NAALADL2: variants seen among roughly 807,000 people sequenced by gnomAD.
NAALADL2 encodes N-acetylated alpha-linked acidic dipeptidase like 2.
A neutral mutation model predicts 87.2 loss-of-function variants in NAALADL2; 76 were observed. The observed-to-expected ratio is 0.87, with a 90% CI of 0.72 to 1.05. The LOEUF is 1.05. Ranked by LOEUF, NAALADL2 falls within the 50% of genes least tolerant of loss-of-function variation. NAALADL2 has a pLI of 0.00. For synonymous variants in NAALADL2, 354 were observed against 331.0 expected (o/e 1.07, Z -0.75); for missense variants, 1,089 against 945.8 (o/e 1.15, Z -1.99).
intron 3 of NAALADL2, among the ~76,000 whole-genome samples, chr3:174,814,202 G>A (rs1050367604): frequency 8.6e-5 from 13 of 151,880 alleles, no homozygotes; most frequent in Non-Finnish European, 1.5e-4. Flanking sequence ...TCCACCCCCC[G>A]GGTTCACACC....
chr3:174,762,829 A>C (rs944837445), intron 3 of NAALADL2, among the ~76,000 whole-genome samples: 2 of 152,220 alleles, frequency 1.3e-5, no homozygotes, highest in Admixed American at 1.3e-4. Context: ...ATAATAAAAA[A>C]AAATCTTAAT....
At chr3:174,893,492 C>A (rs1731117785) in intron 1 of NAALADL2, among the ~76,000 whole-genome samples, 1 of 152,058 alleles carries the variant, frequency 6.6e-6, no homozygotes, top group Non-Finnish European at 1.5e-5. Flanking sequence ...GCTACAACAA[C>A]TTTTCAAGAC....
intron 1 of NAALADL2, among the ~76,000 whole-genome samples, chr3:174,943,891 T>A (rs921509269): frequency 4.6e-5 from 7 of 152,140 alleles, no homozygotes; most frequent in Admixed American, 3.9e-4. Flanking sequence ...GCAGAGAGAC[T>A]TTCAGTTGCC....
At chr3:174,580,662 C>A (rs992754081) in intron 2 of NAALADL2, among the ~76,000 whole-genome samples, 3 of 152,000 alleles carry the variant, frequency 2.0e-5, no homozygotes, top group Non-Finnish European at 2.9e-5. Context: ...CTCTCTCTCT[C>A]TATGTAATAT....
At chr3:174,471,414 C>T (rs187300650) in intron 1 of NAALADL2, among the ~76,000 whole-genome samples, 4 of 152,012 alleles carry the variant, frequency 2.6e-5, no homozygotes, top group Non-Finnish European at 5.9e-5. Flanking sequence ...AGAATCCTCA[C>T]GCATGGTACT....
intron 3 of NAALADL2, among the ~76,000 whole-genome samples, chr3:174,809,188 G>C (rs1490024263): frequency 6.6e-6 from 1 of 152,048 alleles, no homozygotes; most frequent in Admixed American, 6.6e-5. Flanking sequence ...AACCAAAATA[G>C]GCAACATAAT....
chr3:174,597,470 G>A (rs1258556469), intron 2 of NAALADL2, among the ~76,000 whole-genome samples: 5 of 152,158 alleles, frequency 3.3e-5, no homozygotes, highest in African/African-American at 7.2e-5. Flanking sequence ...GTTCCTAGAC[G>A]TCAGCAAAGG....
At chr3:175,692,205 A>G (rs1408583342) in intron 11 of NAALADL2, among the ~76,000 whole-genome samples, 1 of 150,696 alleles carries the variant, frequency 6.6e-6, no homozygotes, top group Admixed American at 6.6e-5. Flanking sequence ...TCTTGTTTTC[A>G]CTTTTTTTTT....
intron 2 of NAALADL2, among the ~76,000 whole-genome samples, chr3:174,644,695 A>G (rs1264829642): frequency 6.6e-6 from 1 of 152,142 alleles, no homozygotes; most frequent in African/African-American, 2.4e-5. Context: ...CTGTGTAATG[A>G]TGTTTTTGTC....
chr3:174,730,000 G>A (rs1284257812), intron 2 of NAALADL2, among the ~76,000 whole-genome samples: 2 of 152,010 alleles, frequency 1.3e-5, no homozygotes, highest in Non-Finnish European at 1.5e-5. Context: ...TCTGCTGGAG[G>A]TTGATTCTAG....
intron 3 of NAALADL2, among the ~76,000 whole-genome samples, chr3:174,742,916 A>G (rs571662966): frequency 6.6e-6 from 1 of 151,770 alleles, no homozygotes; most frequent in Non-Finnish European, 1.5e-5. Context: ...TCATCATACA[A>G]TAGGATATTT....
At chr3:174,754,065 C>T (rs1711635524) in intron 3 of NAALADL2, among the ~76,000 whole-genome samples, 1 of 152,178 alleles carries the variant, frequency 6.6e-6, no homozygotes, top group Admixed American at 6.5e-5. Flanking sequence ...TTTAAACCCA[C>T]CCAGTCTATG....
At chr3:174,529,026 C>A (rs1242842234) in intron 1 of NAALADL2, among the ~76,000 whole-genome samples, 1 of 152,156 alleles carries the variant, frequency 6.6e-6, no homozygotes, top group African/African-American at 2.4e-5. Context: ...AAAATCTTAA[C>A]TCATTTCAGC....
At chr3:175,442,272 AG>A (rs1719908012) in intron 5 of NAALADL2, among the ~76,000 whole-genome samples, 1 of 145,450 alleles carries the variant, frequency 6.9e-6, no homozygotes, top group African/African-American at 2.5e-5. Flanking sequence ...TAGGTTTAAA[AG>A]TATCCCATCT....
chr3:174,870,869 TA>T (rs1320448738), intron 1 of NAALADL2, among the ~76,000 whole-genome samples: 1 of 152,198 alleles, frequency 6.6e-6, no homozygotes, highest in African/African-American at 2.4e-5. Context: ...TGCTTTTCTA[TA>T]GACACTGTAT....
intron 1 of NAALADL2, among the ~76,000 whole-genome samples, chr3:174,521,177 A>G (rs1426339807): frequency 6.6e-6 from 1 of 152,204 alleles, no homozygotes; most frequent in Non-Finnish European, 1.5e-5. Context: ...AGAAGAAATC[A>G]TTATACAAAA....
intron 1 of NAALADL2, among the ~76,000 whole-genome samples, chr3:174,912,570 T>C (rs1733844016): frequency 6.6e-6 from 1 of 152,204 alleles, no homozygotes; most frequent in Non-Finnish European, 1.5e-5. Context: ...TTAACGTACA[T>C]GGATAAAGTC....
At chr3:174,641,761 A>T (rs1435564952) in intron 2 of NAALADL2, among the ~76,000 whole-genome samples, 4 of 151,552 alleles carry the variant, frequency 2.6e-5, no homozygotes, top group East Asian at 2.0e-4. Flanking sequence ...TTTTTCAGAA[A>T]TTTTTTTTTG....
chr3:174,948,478 G>T (rs572788056), intron 1 of NAALADL2, among the ~76,000 whole-genome samples: 146 of 152,168 alleles, frequency 9.6e-4, no homozygotes, highest in Middle Eastern at 3.4e-3. Context: ...CGCCTGGCAA[G>T]AATTTATTTT....
Sources: allele counts gnomAD v4.1 joint callset (sites outside exome capture counted in the v4.1 genomes callset), GRCh38; gene constraint gnomAD v4.1.1; transcripts MANE v1.5; gene names NCBI Gene and HGNC (gene_info 2026-07-23, HGNC 2026-07-21).